IMMP2L: variants seen among roughly 807,000 people sequenced by gnomAD.
The protein encoded by IMMP2L is inner mitochondrial membrane peptidase subunit 2, also known as mitochondrial inner membrane protease subunit 2.
IMMP2L carries 18 observed loss-of-function variants against 19.3 expected under a neutral mutation model. The ratio of observed to expected loss-of-function variants is 0.93; its 90% CI spans 0.64 to 1.38. The LOEUF (loss-of-function observed/expected upper bound fraction) is 1.38. IMMP2L is among the 40% of genes most tolerant of loss of function. The pLI is 0.00. For missense variants in IMMP2L, 233 were observed against 218.2 expected (o/e 1.07, Z -0.43); for synonymous variants, 76 against 73.0 (o/e 1.04, Z -0.21).
At chr7:110,941,861 T>C (rs935874096) in intron 4 of IMMP2L, among the ~76,000 whole-genome samples, 4 of 152,044 alleles carry the variant, frequency 2.6e-5, no homozygotes, top group Admixed American at 6.6e-5. Flanking sequence ...TTCTAATTCA[T>C]TGGGCTTTTT....
At chr7:110,979,032 T>G (rs2129557684) in intron 3 of IMMP2L, among the ~76,000 whole-genome samples, 1 of 152,210 alleles carries the variant, frequency 6.6e-6, no homozygotes, top group Middle Eastern at 3.4e-3. Flanking sequence ...GAGTTTGAGG[T>G]CAATCATTAG....
rs528704044 is a variant in IMMP2L, at chr7:110,745,939, T to A, written c.409-82218A>T. Among the ~76,000 whole-genome samples, 16 of 152,256 alleles carry A rather than the reference T, an allele frequency of 1.1e-4. No individual in the cohort carries two copies. The East Asian group carries it at 3.1e-3, about 29-fold the overall frequency. ...ATGTAAATGGGCTAAATGCTCCAAT[T>A]AAAAGACACAGACTGGCAAATTGGA... is the stretch of plus-strand genomic sequence containing the variant. On this transcript the variant is annotated intron_variant, in intron 5 of 5. Transcript: ENST00000405709.
chr7:110,824,340 T>C (rs1418836457), intron 5 of IMMP2L, among the ~76,000 whole-genome samples: 8 of 152,216 alleles, frequency 5.3e-5, no homozygotes, highest in African/African-American at 1.9e-4. Flanking sequence ...TTTACACAAA[T>C]AGGATAGACT....
At chr7:111,241,725 G>C (rs1215197099) in intron 3 of IMMP2L, among the ~76,000 whole-genome samples, 3 of 150,888 alleles carry the variant, frequency 2.0e-5, no homozygotes, top group Admixed American at 1.3e-4. Flanking sequence ...TAAGTATAAA[G>C]TGTGTATATA....
At position 111,507,604 on chromosome 7, in the gene IMMP2L, C is replaced by G. The variant is rs115823635; in HGVS notation, c.135+13709G>C. Reference sequence around the variant, plus strand: ...CCCTCACCACATTACCAGCCCCAAACTGCCACCCAGTCCCCAAATCAATGC... The same window carrying G: ...CCCTCACCACATTACCAGCCCCAAAGTGCCACCCAGTCCCCAAATCAATGC... On this transcript the variant is annotated intron_variant, in intron 2 of 5. Transcript: ENST00000405709. Among the ~76,000 whole-genome samples the G allele has an allele frequency of 8.8e-3, 1,341 of 152,238 alleles. 22 individuals are homozygous for G. Among genetic ancestry groups the G allele is most frequent in the African/African-American group, 0.031 (1,269 of 41,546 alleles).
chr7:110,788,941 T>C (rs1308733092), intron 5 of IMMP2L, among the ~76,000 whole-genome samples: 1 of 151,744 alleles, frequency 6.6e-6, no homozygotes, highest in Non-Finnish European at 1.5e-5. Context: ...GACTAGATCA[T>C]GAAAATGCAA....
At chr7:110,973,226 C>T (rs974067625) in intron 3 of IMMP2L, among the ~76,000 whole-genome samples, 2 of 152,040 alleles carry the variant, frequency 1.3e-5, no homozygotes, top group African/African-American at 4.8e-5. Flanking sequence ...GCTATGTTAG[C>T]TAGAGTTAAT....
chr7:111,356,986 A>G (rs1334762524), intron 3 of IMMP2L, among the ~76,000 whole-genome samples: 1 of 152,052 alleles, frequency 6.6e-6, no homozygotes, highest in Admixed American at 6.6e-5. Flanking sequence ...GTGCCATTGC[A>G]CTCCAGCCTG....
At position 111,123,603 on chromosome 7, in the gene IMMP2L, G is replaced by A; in HGVS notation, c.240-160038C>T. The A allele has an allele frequency of 1.2e-6, 2 of 1,613,184 alleles. No individual in the cohort carries two copies. The highest frequency in any genetic ancestry group is 1.7e-6 in the Non-Finnish European group (2 of 1,179,490). ...AAAATCCTATTAATAGAATACGAAGGGGTGATTTTAGCAATATGCTACACT... is the reference window on the plus strand; with the variant it reads ...AAAATCCTATTAATAGAATACGAAGAGGTGATTTTAGCAATATGCTACACT... On this transcript the variant is annotated intron_variant, in intron 3 of 5. Coordinates refer to ENST00000405709, the MANE Select transcript of IMMP2L (RefSeq NM_032549.4). The surrounding 1 kb of genome is among the most constrained non-coding windows in gnomAD (Gnocchi z 6.4).
intron 3 of IMMP2L, among the ~76,000 whole-genome samples, chr7:111,101,591 T>C (rs1192955611): frequency 6.6e-6 from 1 of 151,468 alleles, no homozygotes; most frequent in African/African-American, 2.4e-5. Context: ...ATACAGAATA[T>C]ACATAGGTAC....
chr7:111,464,892 C>T (rs912365725), intron 3 of IMMP2L, among the ~76,000 whole-genome samples: 2 of 152,096 alleles, frequency 1.3e-5, no homozygotes, highest in African/African-American at 4.8e-5. Context: ...GGGTTCACGC[C>T]ATTCTCTCGC....
chr7:111,544,236 G>A (rs538072431), intron 1 of IMMP2L, among the ~76,000 whole-genome samples: 10 of 151,856 alleles, frequency 6.6e-5, no homozygotes, highest in South Asian at 6.3e-4. Flanking sequence ...ATCACACACC[G>A]GGGCCTGTCG....
intron 3 of IMMP2L, among the ~76,000 whole-genome samples, chr7:111,441,064 G>A (rs558568205): frequency 6.6e-6 from 1 of 151,936 alleles, no homozygotes; most frequent in South Asian, 2.1e-4. Flanking sequence ...TTAAGCTTTG[G>A]CTTAAGAGAA....
chr7:110,883,997 T>C (rs1031760009), intron 5 of IMMP2L, among the ~76,000 whole-genome samples: 1 of 152,042 alleles, frequency 6.6e-6, no homozygotes, highest in Non-Finnish European at 1.5e-5. Flanking sequence ...TTAATATTTA[T>C]AATAAATGAA....
chr7:111,028,233 C>A (rs188450103), intron 3 of IMMP2L, among the ~76,000 whole-genome samples: 19 of 152,226 alleles, frequency 1.2e-4, no homozygotes, highest in East Asian at 9.6e-4. Context: ...AGTAGACTTA[C>A]ATTGACAAGT....
chr7:111,218,690 C>T (rs1812218894), intron 3 of IMMP2L, among the ~76,000 whole-genome samples: 1 of 151,966 alleles, frequency 6.6e-6, no homozygotes, highest in African/African-American at 2.4e-5. Flanking sequence ...CAGTCAGGTA[C>T]TAAAATAGTT....
At chr7:110,719,184 T>C (rs1182407335) in intron 5 of IMMP2L, among the ~76,000 whole-genome samples, 1 of 152,086 alleles carries the variant, frequency 6.6e-6, no homozygotes, top group African/African-American at 2.4e-5. Context: ...GGACTGAACA[T>C]GAGTGAAAAC....
intron 3 of IMMP2L, among the ~76,000 whole-genome samples, chr7:111,112,898 G>T (rs1799409263): frequency 6.6e-6 from 1 of 152,036 alleles, no homozygotes; most frequent in African/African-American, 2.4e-5. Flanking sequence ...CTTGTTTATT[G>T]CATTTGAAAA....
At chr7:110,972,035 G>C (rs1035603913) in intron 3 of IMMP2L, among the ~76,000 whole-genome samples, 3 of 152,002 alleles carry the variant, frequency 2.0e-5, no homozygotes, top group Non-Finnish European at 4.4e-5. Flanking sequence ...ACACATTTCT[G>C]TTCCAACCCT....
Sources: gnomAD v4.1 joint callset for allele counts (sites outside exome capture counted in the v4.1 genomes callset) on GRCh38, gnomAD v4.1.1 for gene constraint, Gnocchi (gnomAD v3.1) non-coding constraint, MANE v1.5 for transcripts, NCBI Gene and HGNC (gene_info 2026-07-23, HGNC 2026-07-21) for gene names.